HCRTR2: variants seen among roughly 807,000 people sequenced by gnomAD.
The protein encoded by HCRTR2 is hypocretin receptor 2.
HCRTR2 carries 22 observed loss-of-function variants against 49.0 expected under a neutral mutation model. The ratio of observed to expected loss-of-function variants is 0.45; its 90% CI spans 0.32 to 0.64. The LOEUF (loss-of-function observed/expected upper bound fraction) is 0.64, where lower values mean the gene tolerates loss of function less well. Ranked by LOEUF, HCRTR2 falls within the 30% of genes least tolerant of loss-of-function variation. HCRTR2 has a pLI of 0.04. For missense variants in HCRTR2, 491 were observed against 559.4 expected, an observed-to-expected ratio of 0.88 and a Z score of 1.23; for synonymous variants, 236 against 205.3, an observed-to-expected ratio of 1.15 and a Z score of -1.28.
At chr6:55,142,978 A>AT (rs1764528934) in intron 1 of HCRTR2, among the ~76,000 whole-genome samples, 1 of 115,588 alleles carries the variant, frequency 8.7e-6, no homozygotes, top group South Asian at 3.4e-4. Flanking sequence ...ATTATGATAG[A>AT]AAGATGATAG....
chr6:55,219,821 AAG>A (rs1421000666), intron 1 of HCRTR2, among the ~76,000 whole-genome samples: 1 of 151,956 alleles, frequency 6.6e-6, no homozygotes, highest in Admixed American at 6.5e-5. Flanking sequence ...ACTAAGAAAA[AAG>A]AGAGAAGACT....
chr6:55,226,393 C>G (rs976155521), intron 1 of HCRTR2, among the ~76,000 whole-genome samples: 1 of 152,154 alleles, frequency 6.6e-6, no homozygotes, highest in Non-Finnish European at 1.5e-5. Context: ...ACTGCAACCT[C>G]CGACTCCCAA....
At chr6:55,152,658 T>A (rs1182279379) in intron 1 of HCRTR2, among the ~76,000 whole-genome samples, 1 of 151,886 alleles carries the variant, frequency 6.6e-6, no homozygotes, top group Non-Finnish European at 1.5e-5. Flanking sequence ...TGGGGTGGTA[T>A]CCTCATCTGG....
intron 1 of HCRTR2, among the ~76,000 whole-genome samples, chr6:55,158,088 C>T (rs1323120314): frequency 1.3e-5 from 2 of 152,162 alleles, no homozygotes; most frequent in South Asian, 2.1e-4. Context: ...GTGGTTTCTG[C>T]ATTTCCAACT....
At chr6:55,127,454 A>C (rs903696961) in intron 1 of HCRTR2, among the ~76,000 whole-genome samples, 2 of 152,094 alleles carry the variant, frequency 1.3e-5, no homozygotes, top group Non-Finnish European at 1.5e-5. Flanking sequence ...GAAATGCAGA[A>C]ATCATCTGCA....
chr6:55,152,686 A>G (rs1349178771), intron 1 of HCRTR2, among the ~76,000 whole-genome samples: 1 of 151,862 alleles, frequency 6.6e-6, no homozygotes, highest in Non-Finnish European at 1.5e-5. Flanking sequence ...AGGGCAAGAG[A>G]GCTCTCTGAA....
chr6:55,215,584 A>T (rs1347249852), intron 1 of HCRTR2, among the ~76,000 whole-genome samples: 1 of 152,186 alleles, frequency 6.6e-6, no homozygotes, highest in Admixed American at 6.5e-5. Context: ...ATAGAAGTTA[A>T]AAAAAACCAC....
chr6:55,282,569 T>C lies in HCRTR2; in HGVS notation c.*115T>C. On this transcript the variant is annotated 3_prime_UTR_variant, in exon 7 of 7. Coordinates refer to ENST00000370862, the MANE Select transcript of HCRTR2 (RefSeq NM_001384272.1). ...GCTAAAATTACTTGTGGATCTTTTT[T>C]TTTTTTAATCTATTGCTCTTTGGAA... 1 of 672,034 alleles carries C rather than the reference T, an allele frequency of 1.5e-6. No homozygotes were observed. Among genetic ancestry groups the C allele is most frequent in the Non-Finnish European group, 2.6e-6 (1 of 385,146 alleles). 41.6% of individuals were successfully genotyped at this position (672,034 alleles called of 1,614,324 possible). A position where few individuals can be genotyped will look rare whatever the true frequency, so the allele number is the denominator to read the frequency against.
chr6:55,199,846 G>A (rs994450340), intron 1 of HCRTR2, among the ~76,000 whole-genome samples: 1 of 152,144 alleles, frequency 6.6e-6, no homozygotes, highest in African/African-American at 2.4e-5. Context: ...TATAAGGGAA[G>A]GATTTAATCA....
At chr6:55,262,901 G>GTGTA (rs1436670792) in intron 3 of HCRTR2, among the ~76,000 whole-genome samples, 7 of 150,898 alleles carry the variant, frequency 4.6e-5, no homozygotes, top group African/African-American at 1.7e-4. Context: ...AATCTGTGAT[G>GTGTA]TGTATCATTT....
chr6:55,124,057 C>G (rs1293139786), intron 1 of HCRTR2, among the ~76,000 whole-genome samples: 1 of 151,982 alleles, frequency 6.6e-6, no homozygotes, highest in Non-Finnish European at 1.5e-5. Context: ...TTAATCTTTT[C>G]AAAAACAGTT....
chr6:55,270,552 G>A (rs577359465), intron 4 of HCRTR2, among the ~76,000 whole-genome samples: 23 of 152,124 alleles, frequency 1.5e-4, no homozygotes, highest in Non-Finnish European at 2.8e-4. Flanking sequence ...CCAAACTTTT[G>A]AGAGCTAACA....
chr6:55,204,546 G>C (rs574370734), intron 1 of HCRTR2, among the ~76,000 whole-genome samples: 10 of 152,222 alleles, frequency 6.6e-5, no homozygotes, highest in Middle Eastern at 6.8e-3. Flanking sequence ...GTAGGACAGA[G>C]CCTGATAGCT....
intron 1 of HCRTR2, among the ~76,000 whole-genome samples, chr6:55,191,904 T>C (rs544745137): frequency 5.3e-5 from 8 of 152,288 alleles, no homozygotes; most frequent in African/African-American, 1.9e-4. Flanking sequence ...TATTGGAGTT[T>C]GCAAATATTC....
downstream of HCRTR2, among the ~76,000 whole-genome samples, chr6:55,282,815 A>G (rs560063045): frequency 6.6e-6 from 1 of 152,218 alleles, no homozygotes; most frequent in South Asian, 2.1e-4. Context: ...AATCTATCCA[A>G]TGATTTTTTT....
chr6:55,268,484 T>C (rs1766904755), intron 4 of HCRTR2, among the ~76,000 whole-genome samples: 1 of 152,174 alleles, frequency 6.6e-6, no homozygotes, highest in Non-Finnish European at 1.5e-5. Flanking sequence ...GAGACATACC[T>C]TGTATTCAGA....
intron 3 of HCRTR2, among the ~76,000 whole-genome samples, chr6:55,256,024 A>G (rs1766646513): frequency 6.6e-6 from 1 of 152,194 alleles, no homozygotes; most frequent in African/African-American, 2.4e-5. Context: ...ATCAGGTTTG[A>G]AGGCTTTATG....
At chr6:55,138,515 C>T (rs111751392) in intron 1 of HCRTR2, among the ~76,000 whole-genome samples, 11 of 152,284 alleles carry the variant, frequency 7.2e-5, no homozygotes, top group African/African-American at 1.7e-4. Flanking sequence ...CTGCTTGCCA[C>T]GGTAGTCGTA....
chr6:55,179,945 G>T (rs914269407), intron 1 of HCRTR2, among the ~76,000 whole-genome samples: 3 of 152,124 alleles, frequency 2.0e-5, no homozygotes, highest in Non-Finnish European at 4.4e-5. Flanking sequence ...TCTTCTTATA[G>T]CATTCTGACA....
Sources: gnomAD v4.1 joint callset for allele counts (sites outside exome capture counted in the v4.1 genomes callset) on GRCh38, gnomAD v4.1.1 for gene constraint, MANE v1.5 for transcripts, NCBI Gene and HGNC (gene_info 2026-07-23, HGNC 2026-07-21) for gene names.